Variants in PLCB4 observed in about 807,000 individuals in gnomAD.
The protein encoded by PLCB4 is 1-phosphatidylinositol 4,5-bisphosphate phosphodiesterase beta-4.
PLCB4 carries 77 observed loss-of-function variants against 178.8 expected under a neutral mutation model. The observed-to-expected ratio is 0.43, with a 90% confidence interval of 0.36 to 0.52. The LOEUF is 0.52. Among genes scored for constraint, PLCB4 ranks in the 20% least tolerant of loss-of-function variants. The probability of loss-of-function intolerance (pLI) is 0.00; values close to 1 mark genes in which losing one functional copy is unlikely to be tolerated. For missense variants in PLCB4, 1,024 were observed against 1,453.4 expected, an observed-to-expected ratio of 0.70 and a Z score of 4.80; for synonymous variants, 496 against 490.8, an observed-to-expected ratio of 1.01 and a Z score of -0.14.
Position 9,372,290 on chromosome 20 carries a change from T to A in PLCB4, c.586-13T>A, listed in dbSNP as rs2148300075. 1 of 1,445,348 alleles carries A rather than the reference T, an allele frequency of 6.9e-7. No homozygotes were observed. Among genetic ancestry groups the A allele is most frequent in the Non-Finnish European group, 9.7e-7 (1 of 1,030,820 alleles). 89.5% of individuals were successfully genotyped at this position (1,445,348 alleles called of 1,614,324 possible). On this transcript the variant is annotated splice_polypyrimidine_tract_variant and intron_variant, in intron 10 of 39. Coordinates refer to ENST00000378473, the MANE Select transcript of PLCB4 (RefSeq NM_001377142.1). Reference sequence around the variant, plus strand: ...CGGTTCTGTGATTCATAACATGATTTTATTCCTTACAGAATGATGAAATTG... The same window carrying A: ...CGGTTCTGTGATTCATAACATGATTATATTCCTTACAGAATGATGAAATTG...
At chr20:9,302,338 C>G (rs942468679) in intron 3 of PLCB4, among the ~76,000 whole-genome samples, 8 of 152,006 alleles carry the variant, frequency 5.3e-5, no homozygotes, top group African/African-American at 1.7e-4. Flanking sequence ...TCGTTTGTTC[C>G]CATTTTAAAT....
chr20:9,153,792 A>G (rs536776600), intron 2 of PLCB4, among the ~76,000 whole-genome samples: 1 of 152,252 alleles, frequency 6.6e-6, no homozygotes, highest in East Asian at 1.9e-4. Flanking sequence ...TCTTCCTAGT[A>G]TTTGGCTCTC....
chr20:9,282,784 A>T (rs1233953493), intron 3 of PLCB4, among the ~76,000 whole-genome samples: 1 of 151,976 alleles, frequency 6.6e-6, no homozygotes, highest in African/African-American at 2.4e-5. Flanking sequence ...CAGGTTGGAT[A>T]ACCTAGGATG....
intron 1 of PLCB4, among the ~76,000 whole-genome samples, chr20:9,076,134 G>A (rs1386197885): frequency 6.6e-6 from 1 of 152,012 alleles, no homozygotes; most frequent in Non-Finnish European, 1.5e-5. Context: ...AGGGGGGAAG[G>A]GCATGTTTTT....
In PLCB4 at chr20:9,437,083, C is replaced by T. The variant is rs571360538; in HGVS notation, c.2695C>T (p.Pro899Ser). 7 of 1,613,768 alleles carry T rather than the reference C, an allele frequency of 4.3e-6. No homozygotes were observed. The Admixed American group carries it at 8.3e-5, about 19-fold the overall frequency. The change falls in exon 30 of 40, where the codon CCT becomes TCT. Residue 899 changes from proline (P) to serine (S), a missense_variant. This residue lies in a region of PLCB4 where 227 missense variants were observed against 374.3 expected (regional missense o/e 0.61). Coordinates refer to ENST00000378473, the MANE Select transcript of PLCB4 (RefSeq NM_001377142.1). ...KANTAKANVT[P>S]QSSSELRPTT... ...CAACACCGCCAAAGCAAATGTGACC[C>T]CTCAGAGTAGCTCTGAGCTCAGACC... is the stretch of plus-strand genomic sequence containing the variant.
chr20:9,203,056 A>AAATATATATATATATAT (rs769628056), intron 2 of PLCB4, among the ~76,000 whole-genome samples: 1 of 126,162 alleles, frequency 7.9e-6, no homozygotes, highest in African/African-American at 3.3e-5. Context: ...AAAAAAAAAA[A>AAATATATATATATATAT]ATATATATAT....
chr20:9,269,773 A>T (rs1299391337), intron 3 of PLCB4, among the ~76,000 whole-genome samples: 1 of 152,178 alleles, frequency 6.6e-6, no homozygotes, highest in African/African-American at 2.4e-5. Context: ...CTGGTGAATG[A>T]TGAGGAATGT....
chr20:9,478,731 G>A (rs2044719378), intron 39 of PLCB4, among the ~76,000 whole-genome samples, 190 bp from the exon 40 acceptor site: 1 of 151,964 alleles, frequency 6.6e-6, no homozygotes, highest in South Asian at 2.1e-4. Flanking sequence ...ATAGATCTGG[G>A]GTAGACTCCA....
intron 2 of PLCB4, among the ~76,000 whole-genome samples, chr20:9,169,681 G>A (rs2093032376): frequency 6.6e-6 from 1 of 152,098 alleles, no homozygotes; most frequent in South Asian, 2.1e-4. Context: ...AAGGAAGTGG[G>A]CAGTGGGGTG....
intron 13 of PLCB4, among the ~76,000 whole-genome samples, chr20:9,383,183 C>G (rs989264009): frequency 6.6e-6 from 1 of 151,996 alleles, no homozygotes; most frequent in Non-Finnish European, 1.5e-5. Flanking sequence ...GGTTGCAGAA[C>G]CATTTTGGAG....
intron 3 of PLCB4, among the ~76,000 whole-genome samples, chr20:9,230,682 T>G (rs1444494376): frequency 1.3e-5 from 2 of 152,120 alleles, no homozygotes; most frequent in Non-Finnish European, 2.9e-5. Context: ...TCTGTTCAAC[T>G]GCCAAGTATG....
chr20:9,212,589 G>C (rs540367623), intron 2 of PLCB4, among the ~76,000 whole-genome samples: 8 of 152,282 alleles, frequency 5.3e-5, no homozygotes, highest in African/African-American at 1.9e-4. Flanking sequence ...CATGATTAGT[G>C]GTGGTTTACA....
chr20:9,161,189 A>C (rs929053784), intron 2 of PLCB4, among the ~76,000 whole-genome samples: 6 of 152,194 alleles, frequency 3.9e-5, no homozygotes, highest in Non-Finnish European at 8.8e-5. Flanking sequence ...TGCCCCATAA[A>C]CAGCTGGTAC....
At chr20:9,433,818 T>C (rs975581328) in intron 28 of PLCB4, among the ~76,000 whole-genome samples, 8 of 152,196 alleles carry the variant, frequency 5.3e-5, no homozygotes, top group Non-Finnish European at 1.2e-4. Flanking sequence ...ACAGCTGTTG[T>C]TGAGAGGCAA....
intron 3 of PLCB4, among the ~76,000 whole-genome samples, chr20:9,298,526 A>G (rs2094666303): frequency 6.6e-6 from 1 of 152,122 alleles, no homozygotes; most frequent in African/African-American, 2.4e-5. Flanking sequence ...TATTTTAGAC[A>G]TGTTTTGTAA....
At chr20:9,438,725 G>A (rs942336561) in intron 30 of PLCB4, among the ~76,000 whole-genome samples, 3 of 152,198 alleles carry the variant, frequency 2.0e-5, no homozygotes, top group African/African-American at 7.2e-5. Flanking sequence ...AGAAGAATTA[G>A]TTTTGAGAAG....
chr20:9,271,984 C>T (rs2094407782), intron 3 of PLCB4, among the ~76,000 whole-genome samples: 1 of 151,558 alleles, frequency 6.6e-6, no homozygotes, highest in Non-Finnish European at 1.5e-5. Context: ...AGGACCTCAG[C>T]CTGGGCAACA....
chr20:9,187,648 A>C (rs901734652), intron 2 of PLCB4, among the ~76,000 whole-genome samples: 2 of 152,214 alleles, frequency 1.3e-5, no homozygotes, highest in Non-Finnish European at 2.9e-5. Context: ...TATAGGCCAG[A>C]GTTCTAGAAC....
intron 32 of PLCB4, among the ~76,000 whole-genome samples, chr20:9,447,636 G>A (rs1224284658): frequency 1.3e-5 from 2 of 152,218 alleles, no homozygotes; most frequent in African/African-American, 4.8e-5. Flanking sequence ...GATGCAGAAA[G>A]GGAAATAACT....
Sources: gnomAD v4.1 joint callset for allele counts (sites outside exome capture counted in the v4.1 genomes callset) on GRCh38, gnomAD v4.1.1 for gene constraint, gnomAD v4.1.1 regional missense constraint, MANE v1.5 for transcripts, NCBI Gene and HGNC (gene_info 2026-07-23, HGNC 2026-07-21) for gene names.